Variants in GRIP1 observed in about 807,000 individuals in gnomAD.
GRIP1 encodes the protein glutamate receptor-interacting protein 1.
In GRIP1, 45 loss-of-function variants were observed where a neutral mutation model predicts 129.9. That is an observed-to-expected ratio of 0.35 (90% CI 0.27 to 0.44). The LOEUF (loss-of-function observed/expected upper bound fraction) is 0.44. Among genes scored for constraint, GRIP1 ranks in the 20% least tolerant of loss-of-function variants. The pLI, the probability that GRIP1 is intolerant of heterozygous loss-of-function variation, is 1.00. For synonymous variants in GRIP1, 530 were observed against 520.8 expected, an observed-to-expected ratio of 1.02 and a Z score of -0.24; for missense variants, 1,196 against 1,396.8, an observed-to-expected ratio of 0.86 and a Z score of 2.29.
At chr12:67,039,016 TAAACACAC>T (rs1289626683) in intron 1 of GRIP1, among the ~76,000 whole-genome samples, 1 of 59,848 alleles carries the variant, frequency 1.7e-5, no homozygotes, top group Non-Finnish European at 3.9e-5. Context: ...TCACAAATAA[TAAACACAC>T]ACACACACAC....
At chr12:67,068,512 G>A (rs2043670791) in intron 1 of GRIP1, among the ~76,000 whole-genome samples, 1 of 151,276 alleles carries the variant, frequency 6.6e-6, no homozygotes, top group Admixed American at 6.6e-5. Flanking sequence ...GCGCCCCCTT[G>A]CCTCCCCTAC....
intron 1 of GRIP1, among the ~76,000 whole-genome samples, chr12:66,898,635 C>T (rs1295112026): frequency 6.6e-6 from 1 of 152,118 alleles, no homozygotes; most frequent in African/African-American, 2.4e-5. Context: ...TAATCCTTCC[C>T]AGTTCTTTCA....
At position 66,768,441 on chromosome 12, in the gene GRIP1, G is replaced by A. The variant is rs904647355; in HGVS notation, c.-420+35612C>T. ...ACTTGCAACCTTGCAAATTGCTTCCGTGGCAATAAAGACTAGAATTGCCAA... is the reference window on the plus strand; with the variant it reads ...ACTTGCAACCTTGCAAATTGCTTCCATGGCAATAAAGACTAGAATTGCCAA... On this transcript the variant is annotated intron_variant, in intron 1 of 4. Transcript: ENST00000538373. 1.1e-4 allele frequency among the ~76,000 whole-genome samples: 17 copies of A among 152,264 alleles called. 1 individual carries two copies. In the East Asian group the frequency reaches 1.4e-3, roughly 12 times the overall value.
intron 1 of GRIP1, among the ~76,000 whole-genome samples, chr12:66,957,417 A>AATATATATATAT (rs60559996): frequency 1.4e-5 from 2 of 147,430 alleles, no homozygotes; most frequent in South Asian, 2.1e-4. Context: ...GCTTTAATCT[A>AATATATATATAT]ATATATATAT....
At chr12:66,579,441 T>A (rs929304304) in intron 2 of GRIP1, among the ~76,000 whole-genome samples, 3 of 152,116 alleles carry the variant, frequency 2.0e-5, no homozygotes, top group Non-Finnish European at 2.9e-5. Flanking sequence ...AGAAGAAGGC[T>A]TCAGACGATC....
chr12:66,509,928 T>C (rs1018683262), intron 7 of GRIP1, among the ~76,000 whole-genome samples: 4 of 151,976 alleles, frequency 2.6e-5, no homozygotes, highest in African/African-American at 9.7e-5. Context: ...CTGCACATCC[T>C]GCACATGTAC....
chr12:66,361,681 C>A (rs573754787), intron 23 of GRIP1, among the ~76,000 whole-genome samples: 3 of 152,092 alleles, frequency 2.0e-5, no homozygotes, highest in Non-Finnish European at 4.4e-5. Context: ...GTCCCTGTTG[C>A]GGGTGTCTTT....
chr12:66,633,768 AT>A (rs1435233456), intron 1 of GRIP1, among the ~76,000 whole-genome samples: 1 of 152,192 alleles, frequency 6.6e-6, no homozygotes, highest in Admixed American at 6.5e-5. Flanking sequence ...CCCCTCTGCT[AT>A]GTGACCCCTG....
chr12:66,823,694 T>C (rs2039360294), intron 1 of GRIP1, among the ~76,000 whole-genome samples: 1 of 152,092 alleles, frequency 6.6e-6, no homozygotes. Context: ...TACCAGGAAA[T>C]CATTTCTCTA....
intron 17 of GRIP1, 63 bp downstream of exon 17, chr12:66,394,145 T>C: frequency 7.0e-7 from 1 of 1,427,944 alleles, no homozygotes; most frequent in Non-Finnish European, 9.9e-7. Context: ...TGTTTTTATG[T>C]GGTTGTGAGG....
intron 1 of GRIP1, among the ~76,000 whole-genome samples, chr12:66,602,995 T>C (rs2064349261): frequency 6.6e-6 from 1 of 151,396 alleles, no homozygotes; most frequent in South Asian, 2.1e-4. Flanking sequence ...GCAGCTGGGA[T>C]TGCAGGTGCA....
chr12:66,534,547 A>G (rs79607834), intron 4 of GRIP1, among the ~76,000 whole-genome samples: 3,467 of 152,218 alleles, frequency 0.023, 122 homozygotes, highest in African/African-American at 0.08. Flanking sequence ...GCCATATTAT[A>G]CACTATTTAA....
chr12:66,645,527 T>C (rs2032290212), intron 1 of GRIP1, among the ~76,000 whole-genome samples: 2 of 152,202 alleles, frequency 1.3e-5, no homozygotes, highest in South Asian at 4.1e-4. Flanking sequence ...CTTTCAGTCA[T>C]GAAGTCCAGT....
At chr12:66,515,482 G>A in intron 7 of GRIP1, 137 bp downstream of exon 7, 1 of 850,078 alleles carries the variant, frequency 1.2e-6, no homozygotes, top group Non-Finnish European at 2.0e-6. Flanking sequence ...CTCAAACAGA[G>A]TAAAATGATA....
At chr12:67,068,856 C>A (rs1413852726) in intron 1 of GRIP1, among the ~76,000 whole-genome samples, 3 of 56,630 alleles carry the variant, frequency 5.3e-5, no homozygotes, top group African/African-American at 7.5e-5. Flanking sequence ...TCATCCCGCC[C>A]CCCCCCCCCC....
chr12:66,912,773 C>T (rs549177488), intron 1 of GRIP1, among the ~76,000 whole-genome samples: 3 of 152,060 alleles, frequency 2.0e-5, no homozygotes, highest in Non-Finnish European at 4.4e-5. Context: ...GGGCTACAAT[C>T]GAAGAAGTCA....
chr12:66,766,507 C>T (rs1055121332), intron 1 of GRIP1, among the ~76,000 whole-genome samples: 8 of 152,200 alleles, frequency 5.3e-5, no homozygotes, highest in African/African-American at 1.9e-4. Flanking sequence ...AGACTGTGAG[C>T]TCTTGGGGAG....
intron 1 of GRIP1, among the ~76,000 whole-genome samples, chr12:66,838,312 CTA>C (rs2039654631): frequency 6.6e-6 from 1 of 151,808 alleles, no homozygotes; most frequent in Non-Finnish European, 1.5e-5. Flanking sequence ...CCATTTGTTT[CTA>C]TGATTTTTAG....
rs898395233 is a variant in GRIP1 at position 66,386,629 on chromosome 12, G to A, written c.2464+5679C>T. ...AGCCTGGGTGACAGAGCGAGCCTCCGTCTCAAAAAACAAAAAAAGAAAAAA... is the reference window on the plus strand; with the variant it reads ...AGCCTGGGTGACAGAGCGAGCCTCCATCTCAAAAAACAAAAAAAGAAAAAA... On this transcript the variant is annotated intron_variant, in intron 19 of 24. Coordinates refer to ENST00000359742, the MANE Select transcript of GRIP1 (RefSeq NM_001366722.1). Among the ~76,000 whole-genome samples the A allele has an allele frequency of 1.2e-4, 18 of 151,858 alleles. 1 individual carries two copies. The highest frequency in any genetic ancestry group is 1.0e-3 in the Admixed American group (16 of 15,244).
Sources: gnomAD v4.1 joint callset for allele counts (sites outside exome capture counted in the v4.1 genomes callset) on GRCh38, gnomAD v4.1.1 for gene constraint, MANE v1.5 for transcripts, NCBI Gene and HGNC (gene_info 2026-07-23, HGNC 2026-07-21) for gene names.